ACSS3: variants seen among roughly 807,000 people sequenced by gnomAD.
ACSS3 encodes the protein acyl-CoA synthetase short-chain family member 3, mitochondrial.
In ACSS3, 64 loss-of-function variants were observed where a neutral mutation model predicts 84.2. The observed-to-expected ratio is 0.76, with a 90% CI of 0.62 to 0.94. ACSS3 has a LOEUF of 0.94. ACSS3 is among the 40% of genes least tolerant of loss of function. The probability of loss-of-function intolerance (pLI) is 0.00; values close to 1 mark genes in which losing one functional copy is unlikely to be tolerated. For missense variants in ACSS3, 815 were observed against 867.6 expected (o/e 0.94, Z 0.76); for synonymous variants, 317 against 310.1 (o/e 1.02, Z -0.23).
intron 9 of ACSS3, among the ~76,000 whole-genome samples, chr12:81,213,957 CTCTTTCTTTCTTTCTTTCTTTCTTTCTT>C (rs59556127): frequency 0.058 from 2,836 of 48,510 alleles, 25 homozygotes; most frequent in Non-Finnish European, 0.084. Flanking sequence ...CTCCCTCTCT[CTCTTTCTTTCTTTCTTTCTTTCTTTCTT>C]TCTTTCTTTC....
At chr12:81,120,263 A>C (rs1884464445) in intron 2 of ACSS3, among the ~76,000 whole-genome samples, 1 of 152,188 alleles carries the variant, frequency 6.6e-6, no homozygotes, top group Middle Eastern at 3.2e-3. Flanking sequence ...ATATAGAAAG[A>C]TTGTTGGAGA....
At chr12:81,126,376 T>C (rs1356957024) in intron 2 of ACSS3, among the ~76,000 whole-genome samples, 1 of 152,242 alleles carries the variant, frequency 6.6e-6, no homozygotes, top group African/African-American at 2.4e-5. Context: ...TTTTATTGCA[T>C]GCACCCTAGT....
chr12:81,233,254 TC>T, intron 12 of ACSS3, 94 bp from the exon 13 acceptor site: 1 of 1,389,530 alleles, frequency 7.2e-7, no homozygotes, highest in Non-Finnish European at 9.8e-7. Flanking sequence ...TCACAGTAAA[TC>T]CATTTCTATT....
chr12:81,259,261 C>T lies in ACSS3; in HGVS notation c.*4339C>T, dbSNP rs1032176720. ...CTTGGAATTGTCAAATGTTTGCACT[C>T]GAGACTCCATGAACCATATATTTTA... is the stretch of plus-strand genomic sequence containing the variant. On this transcript the variant is annotated 3_prime_UTR_variant, in exon 16 of 16. Coordinates refer to ENST00000548058, the MANE Select transcript of ACSS3 (RefSeq NM_024560.4). 3 of 285,136 alleles carry T rather than the reference C, an allele frequency of 1.1e-5. 1 individual carries two copies. Among genetic ancestry groups the T allele is most frequent in the South Asian group, 1.0e-4 (3 of 28,930 alleles). 17.7% of individuals were successfully genotyped at this position (285,136 alleles called of 1,614,324 possible). A position where few individuals can be genotyped will look rare whatever the true frequency, so the allele number is the denominator to read the frequency against.
chr12:81,233,228 G>A (rs977233651), intron 12 of ACSS3, 121 bp from the exon 13 acceptor site: 24 of 1,190,828 alleles, frequency 2.0e-5, no homozygotes, highest in Middle Eastern at 2.4e-4. Context: ...GTCTAGTTAC[G>A]AAAAACGGCA....
At chr12:81,133,686 T>G (rs1046981817) in intron 2 of ACSS3, among the ~76,000 whole-genome samples, 1 of 152,134 alleles carries the variant, frequency 6.6e-6, no homozygotes, top group African/African-American at 2.4e-5. Flanking sequence ...ACTTCCCTCC[T>G]GCATATGATT....
intron 1 of ACSS3, among the ~76,000 whole-genome samples, chr12:81,100,684 C>G (rs1882438324): frequency 6.6e-6 from 1 of 152,224 alleles, no homozygotes; most frequent in South Asian, 2.1e-4. Context: ...GTATTTCTCG[C>G]TCATCCTACA....
At chr12:81,217,033 A>G in intron 10 of ACSS3, 37 bp downstream of exon 10, 2 of 1,561,732 alleles carry the variant, frequency 1.3e-6, no homozygotes, top group South Asian at 1.1e-5. Context: ...AAGTTAATAA[A>G]TTTGGCATTT....
At chr12:81,201,840 G>A (rs1260943775) in intron 9 of ACSS3, among the ~76,000 whole-genome samples, 1 of 152,166 alleles carries the variant, frequency 6.6e-6, no homozygotes, top group African/African-American at 2.4e-5. Flanking sequence ...TAGATCGCTA[G>A]ATTATTTTGT....
chr12:81,251,383 T>G (rs1202955005), intron 13 of ACSS3, among the ~76,000 whole-genome samples: 4 of 152,174 alleles, frequency 2.6e-5, no homozygotes, highest in African/African-American at 9.6e-5. Flanking sequence ...ACTAGGATGA[T>G]AATTGTATGC....
At position 81,116,451 on chromosome 12, in the gene ACSS3, CTTTA is replaced by C. The variant is rs1884054680; in HGVS notation, c.456+6748_456+6751del. ...ATCCCTTGAATATTCTCAGACAGAT[CTTTA>C]GAAATTATATTGTCCATGAAATCAA... On this transcript the variant is annotated intron_variant, in intron 2 of 15. Coordinates refer to ENST00000548058, the MANE Select transcript of ACSS3 (RefSeq NM_024560.4). Among the ~76,000 whole-genome samples, 4 of 152,196 alleles carry C rather than the reference CTTTA, an allele frequency of 2.6e-5. No individual in the cohort carries two copies. In the South Asian group the frequency reaches 8.3e-4, roughly 32 times the overall value.
At chr12:81,085,559 A>G (rs375947049) in intron 1 of ACSS3, among the ~76,000 whole-genome samples, 1 of 152,244 alleles carries the variant, frequency 6.6e-6, no homozygotes, top group East Asian at 1.9e-4. Flanking sequence ...GACCTGGGTT[A>G]GTATTAATAG....
intron 4 of ACSS3, among the ~76,000 whole-genome samples, chr12:81,142,631 T>C (rs1886146599): frequency 6.6e-6 from 1 of 152,194 alleles, no homozygotes; most frequent in Non-Finnish European, 1.5e-5. Flanking sequence ...TTTGGAAAGG[T>C]AGCTGTGGTA....
chr12:81,102,007 A>T (rs11608718), intron 1 of ACSS3, among the ~76,000 whole-genome samples: 1 of 151,644 alleles, frequency 6.6e-6, no homozygotes, highest in Admixed American at 6.6e-5. Flanking sequence ...TGCTCTCCCC[A>T]TACCCTGGCT....
intron 1 of ACSS3, among the ~76,000 whole-genome samples, chr12:81,099,207 T>C (rs1320889949): frequency 6.6e-6 from 1 of 152,174 alleles, no homozygotes; most frequent in Non-Finnish European, 1.5e-5. Flanking sequence ...ATGTTGGCTT[T>C]GGTTGATTCT....
intron 7 of ACSS3, among the ~76,000 whole-genome samples, chr12:81,173,536 C>A (rs1274598381): frequency 6.6e-6 from 1 of 151,906 alleles, no homozygotes; most frequent in Admixed American, 6.6e-5. Flanking sequence ...AGTGTCCTAT[C>A]AATGATCTAA....
intron 2 of ACSS3, among the ~76,000 whole-genome samples, chr12:81,119,056 G>C (rs1884322551): frequency 6.6e-6 from 1 of 152,080 alleles, no homozygotes; most frequent in African/African-American, 2.4e-5. Context: ...GAGAAATAAA[G>C]AGAAAGAGTA....
intron 1 of ACSS3, among the ~76,000 whole-genome samples, chr12:81,107,848 G>T (rs12817088): frequency 0.35 from 53,195 of 151,512 alleles, 11,820 homozygotes; most frequent in Non-Finnish European, 0.5. Context: ...CCACCTGCAG[G>T]TGTTCATTCT....
intron 9 of ACSS3, among the ~76,000 whole-genome samples, chr12:81,208,456 C>T (rs574406055): frequency 1.3e-5 from 2 of 151,788 alleles, no homozygotes; most frequent in East Asian, 3.9e-4. Flanking sequence ...TTGGCCTTTT[C>T]CCTCTTGCTT....
Sources: gnomAD v4.1 joint callset for allele counts (sites outside exome capture counted in the v4.1 genomes callset) on GRCh38, gnomAD v4.1.1 for gene constraint, MANE v1.5 for transcripts, NCBI Gene and HGNC (gene_info 2026-07-23, HGNC 2026-07-21) for gene names.